Variants in NTNG1 observed in about 807,000 individuals in gnomAD.
The protein encoded by NTNG1 is netrin-G1.
In NTNG1, 16 loss-of-function variants were observed where a neutral mutation model predicts 54.0. The observed-to-expected ratio is 0.30, with a 90% CI of 0.20 to 0.45. The LOEUF (loss-of-function observed/expected upper bound fraction) is 0.45, where lower values mean the gene tolerates loss of function less well. Ranked by LOEUF, NTNG1 falls within the 20% of genes least tolerant of loss-of-function variation. The pLI is 1.00. For missense variants in NTNG1, 530 were observed against 678.7 expected (o/e 0.78, Z 2.43); for synonymous variants, 255 against 263.1 (o/e 0.97, Z 0.30).
At chr1:107,253,865 C>A (rs2101627422) in intron 2 of NTNG1, among the ~76,000 whole-genome samples, 1 of 152,348 alleles carries the variant, frequency 6.6e-6, no homozygotes, top group East Asian at 1.9e-4. Context: ...TTTGTACTGT[C>A]TCTGACACCT....
chr1:107,315,830 A>G (rs906375231), intron 2 of NTNG1, among the ~76,000 whole-genome samples: 1 of 152,170 alleles, frequency 6.6e-6, no homozygotes, highest in African/African-American at 2.4e-5. Flanking sequence ...AATTTACCAC[A>G]CTATACCCAG....
intron 2 of NTNG1, among the ~76,000 whole-genome samples, chr1:107,297,049 C>T (rs1665984968): frequency 6.8e-6 from 1 of 148,040 alleles, no homozygotes; most frequent in Non-Finnish European, 1.5e-5. Context: ...GGAGCAAGTA[C>T]TATCTGGTAA....
At chr1:107,446,434 C>T (rs1306780872) in intron 7 of NTNG1, among the ~76,000 whole-genome samples, 2 of 152,042 alleles carry the variant, frequency 1.3e-5, no homozygotes, top group African/African-American at 2.4e-5. Context: ...AGGAACAACC[C>T]GTCATCTTGA....
intron 2 of NTNG1, among the ~76,000 whole-genome samples, chr1:107,238,167 A>C (rs1043451226): frequency 6.6e-6 from 1 of 152,166 alleles, no homozygotes; most frequent in Non-Finnish European, 1.5e-5. Context: ...CGTGACCTGG[A>C]TATGAGACAT....
intron 2 of NTNG1, among the ~76,000 whole-genome samples, chr1:107,281,067 G>T (rs1376284890): frequency 2.6e-5 from 4 of 151,896 alleles, no homozygotes; most frequent in African/African-American, 9.7e-5. Context: ...AGCCTTTCAG[G>T]TTTCTAACCT....
At chr1:107,141,175 G>A (rs1212394196) in intron 1 of NTNG1, 35 bp downstream of exon 1, 1 of 152,084 alleles carries the variant, frequency 6.6e-6, no homozygotes, top group Non-Finnish European at 1.5e-5. Flanking sequence ...GGCCGGCGCT[G>A]GGTTCTCGGT....
At chr1:107,215,368 C>T (rs937578733) in intron 2 of NTNG1, among the ~76,000 whole-genome samples, 1 of 152,122 alleles carries the variant, frequency 6.6e-6, no homozygotes, top group Non-Finnish European at 1.5e-5. Flanking sequence ...CCAATTATCC[C>T]AGCACCTTTT....
chr1:107,378,814 C>A (rs1043027790), intron 3 of NTNG1, among the ~76,000 whole-genome samples: 2 of 152,294 alleles, frequency 1.3e-5, no homozygotes, highest in Admixed American at 1.3e-4. Context: ...TGGGGCCAGT[C>A]TGCCTGCTTC....
chr1:107,145,442 C>G (rs1053700090), intron 1 of NTNG1, among the ~76,000 whole-genome samples: 1 of 151,900 alleles, frequency 6.6e-6, no homozygotes, highest in Non-Finnish European at 1.5e-5. Flanking sequence ...AACAATAGTA[C>G]AAATATAAAA....
intron 1 of NTNG1, among the ~76,000 whole-genome samples, chr1:107,142,249 T>C (rs1443218665): frequency 6.6e-6 from 1 of 151,896 alleles, no homozygotes; most frequent in Non-Finnish European, 1.5e-5. Flanking sequence ...AAGGAAAAAC[T>C]TAGATATAAA....
intron 3 of NTNG1, among the ~76,000 whole-genome samples, chr1:107,393,604 T>C (rs1383387064): frequency 6.6e-6 from 1 of 151,756 alleles, no homozygotes; most frequent in Non-Finnish European, 1.5e-5. Flanking sequence ...TATTAAACAT[T>C]GTAATAGACC....
At chr1:107,406,604 C>T (rs905860950) in intron 4 of NTNG1, among the ~76,000 whole-genome samples, 9 of 152,102 alleles carry the variant, frequency 5.9e-5, no homozygotes, top group Non-Finnish European at 1.5e-5. Context: ...CTCTCCTACC[C>T]AAATTAGTGG....
chr1:107,318,103 G>C (rs1261287119), intron 2 of NTNG1, among the ~76,000 whole-genome samples: 1 of 152,128 alleles, frequency 6.6e-6, no homozygotes, highest in African/African-American at 2.4e-5. Context: ...CATAATTTCA[G>C]TTATCCCACA....
intron 2 of NTNG1, among the ~76,000 whole-genome samples, chr1:107,176,503 A>G (rs181773308): frequency 1.3e-5 from 2 of 152,236 alleles, no homozygotes; most frequent in East Asian, 1.9e-4. Flanking sequence ...CAAAGTATGA[A>G]TCTTAACATC....
chr1:107,370,492 CTT>C (rs1307194335), intron 3 of NTNG1, among the ~76,000 whole-genome samples: 1 of 151,898 alleles, frequency 6.6e-6, no homozygotes, highest in Non-Finnish European at 1.5e-5. Context: ...AATTTGTAGT[CTT>C]TTATCCCTCA....
chr1:107,407,652 GC>G, intron 4 of NTNG1, 29 bp from the exon 5 acceptor site: 1 of 1,567,990 alleles, frequency 6.4e-7, no homozygotes, highest in Non-Finnish European at 8.7e-7. Context: ...ATAGCTAACA[GC>G]TTTTCTTTAT....
At chr1:107,455,532 C>T (rs765699349) in intron 7 of NTNG1, 16 of 432,850 alleles carry the variant, frequency 3.7e-5, no homozygotes, top group Non-Finnish European at 4.8e-5. Context: ...TGTTAGTGTG[C>T]GTAAAAAGTA....
chr1:107,420,219 C>G (rs1486796632), intron 5 of NTNG1, among the ~76,000 whole-genome samples: 2 of 152,030 alleles, frequency 1.3e-5, no homozygotes, highest in Non-Finnish European at 2.9e-5. Context: ...GGACAAAACA[C>G]TTTCAGAAAT....
rs140188238 is a variant in NTNG1, at chr1:107,296,320, A to G, written c.247-27962A>G. On this transcript the variant is annotated intron_variant, in intron 2 of 7. Transcript: ENST00000370068. ...TCAGTGGAAGGAATCATAGGTCAAC[A>G]TCTTACTCAGGACCTAGAGGACAAG... is the stretch of plus-strand genomic sequence containing the variant. 1.1e-3 allele frequency among the ~76,000 whole-genome samples: 165 copies of G among 152,270 alleles called. 4 individuals carry two copies. The East Asian group carries it at 0.031, about 28-fold the overall frequency.
Sources: gnomAD v4.1 joint callset for allele counts (sites outside exome capture counted in the v4.1 genomes callset) on GRCh38, gnomAD v4.1.1 for gene constraint, MANE v1.5 for transcripts, NCBI Gene and HGNC (gene_info 2026-07-23, HGNC 2026-07-21) for gene names.